Variants in CDH26 observed in about 807,000 individuals in gnomAD.
The protein encoded by CDH26 is cadherin-like protein 26.
In CDH26, 83 loss-of-function variants were observed where a neutral mutation model predicts 90.3. The observed-to-expected ratio is 0.92, with a 90% CI of 0.77 to 1.10. The LOEUF (loss-of-function observed/expected upper bound fraction) is 1.10, where lower values mean the gene tolerates loss of function less well. Among genes scored for constraint, CDH26 ranks in the 50% least tolerant of loss-of-function variants. The pLI, the probability that CDH26 is intolerant of heterozygous loss-of-function variation, is 0.00. For synonymous variants in CDH26, 397 were observed against 396.3 expected, an observed-to-expected ratio of 1.00 and a Z score of -0.02; for missense variants, 1,013 against 1,037.6, an observed-to-expected ratio of 0.98 and a Z score of 0.33.
chr20:60,004,781 A>AAAAAG (rs1569056125), intron 16 of CDH26, among the ~76,000 whole-genome samples: 1 of 151,180 alleles, frequency 6.6e-6, no homozygotes, highest in Non-Finnish European at 1.5e-5. Context: ...AAAAAAAAAA[A>AAAAAG]AAAAGAAAAG....
exon 9 of CDH26, chr20:60,033,956 T>G (rs1270579219): frequency 4.3e-6 from 1 of 232,236 alleles, no homozygotes; most frequent in Non-Finnish European, 7.6e-6. Context: ...TTTTTTCCCT[T>G]CTATAAATTC....
At chr20:59,964,009 C>A (rs771403753) in intron 1 of CDH26, among the ~76,000 whole-genome samples, 14 of 152,230 alleles carry the variant, frequency 9.2e-5, no homozygotes, top group Non-Finnish European at 1.6e-4. Flanking sequence ...AGACTCCTTT[C>A]CTATGGCTAG....
At chr20:59,981,117 A>G (rs1184779385) in intron 4 of CDH26, among the ~76,000 whole-genome samples, 2 of 151,972 alleles carry the variant, frequency 1.3e-5, no homozygotes, top group African/African-American at 4.8e-5. Flanking sequence ...TCAATACTAT[A>G]CTCTCTGGAT....
intron 16 of CDH26, 118 bp from the exon 17 acceptor site, chr20:60,006,595 A>C (rs2061753925): frequency 1.4e-6 from 1 of 713,178 alleles, no homozygotes; most frequent in South Asian, 1.7e-5. Flanking sequence ...CTGGCTCTTC[A>C]CCTCCAAGAG....
intron 4 of CDH26, among the ~76,000 whole-genome samples, chr20:59,975,613 G>C (rs1325148135): frequency 6.6e-6 from 1 of 152,196 alleles, no homozygotes; most frequent in East Asian, 1.9e-4. Flanking sequence ...ACAAGGAAGG[G>C]TGGCATAAGA....
rs2061537280 is a variant in CDH26, at chr20:59,992,368, C to T, written c.1284-10C>T. 1.3e-6 allele frequency: 2 copies of T among 1,599,052 alleles called. No individual in the cohort carries two copies. Among genetic ancestry groups the T allele is most frequent in the African/African-American group, 1.4e-5 (1 of 74,060 alleles). ...ATTTTAAAAATTGCTGTCCGTTTTC[C>T]TTCTACAAGATATGAACTGGTTCAT... is the stretch of plus-strand genomic sequence containing the variant. On this transcript the variant is annotated splice_polypyrimidine_tract_variant and intron_variant, in intron 9 of 17. Coordinates refer to ENST00000348616, the MANE Select transcript of CDH26 (RefSeq NM_177980.4). This position sits in a 1 kb window ranked among gnomAD's most constrained non-coding sequence, Gnocchi z 5.0.
rs1375559959 is a variant in CDH26 at position 60,014,247 on chromosome 20, G to A, written c.*1517G>A. The A allele has an allele frequency of 2.0e-5, 3 of 152,084 alleles. No individual in the cohort carries two copies. The highest frequency in any genetic ancestry group is 2.0e-4 in the Admixed American group (3 of 15,272). 9.4% of individuals were successfully genotyped at this position (152,084 alleles called of 1,614,324 possible). A position where few individuals can be genotyped will look rare whatever the true frequency, so the allele number is the denominator to read the frequency against. On this transcript the variant is annotated 3_prime_UTR_variant, in exon 18 of 18. Coordinates refer to ENST00000348616, the MANE Select transcript of CDH26 (RefSeq NM_177980.4). ...ACATTTACAGTGATCAGATCAGGGT[G>A]GTTAACGTAATCATTGGCTCAAACA...
rs2061566972 is a variant in CDH26 at position 59,994,460 on chromosome 20, A to G, written c.1637A>G (p.Glu546Gly). ...TTGGACAATACCTGGGGAAATGCGG[A>G]GGACACATGGAAGTTGGGGAGAAAT... ...FELDNTWGNA[E>G]DTWKLGRNWG... Residue 546 changes from glutamate to glycine, a missense_variant, in exon 11 of 18, where the codon GAG (glutamate) becomes GGG (glycine). Glu to Gly is a moderately conservative substitution (Grantham distance 98). Coordinates refer to ENST00000348616, the MANE Select transcript of CDH26 (RefSeq NM_177980.4). 4 of 1,614,170 alleles carry G rather than the reference A, an allele frequency of 2.5e-6. No individual in the cohort carries two copies. The highest frequency in any genetic ancestry group is 3.3e-4 in the Middle Eastern group (2 of 6,062).
intron 8 of CDH26, among the ~76,000 whole-genome samples, 164 bp from the exon 9 acceptor site, chr20:59,988,740 A>T (rs2061488465): frequency 6.6e-6 from 1 of 152,206 alleles, no homozygotes; most frequent in Non-Finnish European, 1.5e-5. Context: ...AAATGATTTG[A>T]AAATGAGCTG....
chr20:59,962,020 C>T (rs905318121), intron 1 of CDH26, among the ~76,000 whole-genome samples: 2 of 152,162 alleles, frequency 1.3e-5, no homozygotes, highest in Non-Finnish European at 2.9e-5. Flanking sequence ...TATGCTCTGA[C>T]TGAATTACTC....
rs566034047 is a variant in CDH26 at position 59,992,415 on chromosome 20, G to A, written c.1321G>A (p.Val441Ile). The change falls in exon 10 of 18, where the codon GTC becomes ATC. Residue 441 changes from valine to isoleucine, a missense_variant. Coordinates refer to ENST00000348616, the MANE Select transcript of CDH26 (RefSeq NM_177980.4). This position sits in a 1 kb window ranked among gnomAD's most constrained non-coding sequence, Gnocchi z 5.0. ...TCATGACCCAGCAAATTGGGTCAGC[G>A]TCGACAAAAACTCCGGAGTGGTCAT... ...LVHDPANWVS[V>I]DKNSGVVITV... is the part of the protein sequence containing the mutation. 3.3e-5 allele frequency: 53 copies of A among 1,614,046 alleles called. No homozygotes were observed. The East Asian group carries it at 8.9e-4, about 27-fold the overall frequency.
At chr20:60,029,263 G>A (rs7351961) in intron 7 of CDH26, among the ~76,000 whole-genome samples, 1 of 151,110 alleles carries the variant, frequency 6.6e-6, no homozygotes, top group Non-Finnish European at 1.5e-5. Flanking sequence ...TGCACAACGT[G>A]GCACCTATAG....
chr20:60,031,548 A>G, intron 8 of CDH26: 1 of 1,006,276 alleles, frequency 9.9e-7, no homozygotes, highest in Non-Finnish European at 1.2e-6. Context: ...ATTTGTAAAA[A>G]CATCCTCAGT....
At chr20:60,020,455 C>T (rs1056258395) in intron 7 of CDH26, among the ~76,000 whole-genome samples, 4 of 152,110 alleles carry the variant, frequency 2.6e-5, no homozygotes, top group Admixed American at 6.5e-5. Flanking sequence ...ACTGCAAGGC[C>T]GTTTGTCCCA....
chr20:59,990,295 G>C (rs2061512863), intron 9 of CDH26, among the ~76,000 whole-genome samples: 1 of 152,146 alleles, frequency 6.6e-6, no homozygotes, highest in Admixed American at 6.5e-5. Context: ...TGAATCTCTT[G>C]ATGTTCTTGA....
At chr20:60,016,875 A>T (rs754602549), downstream of CDH26, among the ~76,000 whole-genome samples, 1 of 152,128 alleles carries the variant, frequency 6.6e-6, no homozygotes, top group Non-Finnish European at 1.5e-5. Flanking sequence ...TGAGATAATC[A>T]TATGGTTTTT....
At chr20:59,971,914 C>G (rs2061265975) in intron 3 of CDH26, 48 bp from the exon 4 acceptor site, 1 of 1,500,280 alleles carries the variant, frequency 6.7e-7, no homozygotes, top group Non-Finnish European at 9.2e-7. Flanking sequence ...ATCATAGTGG[C>G]TTATTCTCAT....
chr20:59,964,629 A>T (rs2061123410), intron 1 of CDH26, among the ~76,000 whole-genome samples: 1 of 152,242 alleles, frequency 6.6e-6, no homozygotes, highest in African/African-American at 2.4e-5. Context: ...ATCTCAAGTT[A>T]ATTTCTAAGA....
chr20:60,034,263 G>T (rs1385130396), downstream of CDH26, among the ~76,000 whole-genome samples: 2 of 152,144 alleles, frequency 1.3e-5, no homozygotes, highest in Non-Finnish European at 2.9e-5. Flanking sequence ...CACATTGTTC[G>T]AAGGGAAGGC....
Sources: gnomAD v4.1 joint callset for allele counts (sites outside exome capture counted in the v4.1 genomes callset) on GRCh38, gnomAD v4.1.1 for gene constraint, Gnocchi (gnomAD v3.1) non-coding constraint, MANE v1.5 for transcripts, NCBI Gene and HGNC (gene_info 2026-07-23, HGNC 2026-07-21) for gene names.